Variants in RBM33 observed in about 807,000 individuals in gnomAD.
RBM33 encodes RNA binding motif protein 33, also known as RNA-binding protein 33.
A neutral mutation model predicts 132.6 loss-of-function variants in RBM33; 28 were observed. The observed-to-expected ratio is 0.21, with a 90% confidence interval of 0.16 to 0.29. The LOEUF is 0.29. Among genes scored for constraint, RBM33 ranks in the 10% least tolerant of loss-of-function variants. RBM33 has a pLI of 1.00. For missense variants in RBM33, 1,291 were observed against 1,518.5 expected, an observed-to-expected ratio of 0.85 and a Z score of 2.49; for synonymous variants, 634 against 593.0, an observed-to-expected ratio of 1.07 and a Z score of -1.01.
chr7:155,677,459 C>T (rs1477569016), intron 3 of RBM33, among the ~76,000 whole-genome samples: 2 of 152,196 alleles, frequency 1.3e-5, no homozygotes. Flanking sequence ...ATCCATCTGC[C>T]TTGGCCTCCC....
In RBM33 at chr7:155,706,352, C is replaced by T. The variant is rs1011413285; in HGVS notation, c.740-508C>T. Among the ~76,000 whole-genome samples, 7 of 152,050 alleles carry T rather than the reference C, an allele frequency of 4.6e-5. No individual in the cohort carries two copies. The South Asian group carries it at 8.3e-4, about 18-fold the overall frequency. ...ATTAAAATGCAAAAAAATCAGCCGG[C>T]GTGGCGGTGTGCACCTGTGTAGTCC... On this transcript the variant is annotated intron_variant, in intron 6 of 17. Coordinates refer to ENST00000401878, the MANE Select transcript of RBM33 (RefSeq NM_053043.3).
At chr7:155,673,940 G>GTTGTTGTTTTTTTTTTTTTTTTT in intron 3 of RBM33, among the ~76,000 whole-genome samples, 11 of 54,196 alleles carry the variant, frequency 2.0e-4, no homozygotes, top group African/African-American at 5.8e-4. Flanking sequence ...TTTAGGCTTA[G>GTTGTTGTTTTTTTTTTTTTTTTT]TTTTTTTTTT....
intron 12 of RBM33, 109 bp from the exon 13 acceptor site, chr7:155,741,710 A>AT (rs1365271696): frequency 9.4e-7 from 1 of 1,061,590 alleles, no homozygotes; most frequent in African/African-American, 1.6e-5. Context: ...AAAAGAAGTC[A>AT]TTTACTAATT....
At chr7:155,681,055 T>A in intron 5 of RBM33, 147 bp downstream of exon 5, 1 of 659,944 alleles carries the variant, frequency 1.5e-6, no homozygotes, top group South Asian at 2.1e-5. Context: ...TTATCTGAGC[T>A]ATGACAAAGT....
At chr7:155,771,754 C>CA (rs961105228) in intron 16 of RBM33, among the ~76,000 whole-genome samples, 27 of 152,112 alleles carry the variant, frequency 1.8e-4, no homozygotes, top group African/African-American at 5.5e-4. Flanking sequence ...TTTTGGGAGA[C>CA]AGAGTCTCGC....
At chr7:155,747,358 T>A (rs1000537203) in intron 14 of RBM33, among the ~76,000 whole-genome samples, 8 of 152,216 alleles carry the variant, frequency 5.3e-5, no homozygotes, top group African/African-American at 1.9e-4. Flanking sequence ...AGACTTTTTT[T>A]AAGATGAGAT....
chr7:155,682,539 C>T (rs1265407759), intron 5 of RBM33, among the ~76,000 whole-genome samples: 2 of 152,150 alleles, frequency 1.3e-5, no homozygotes, highest in Non-Finnish European at 2.9e-5. Flanking sequence ...TTCTGTTACT[C>T]ATCAGTAAAG....
chr7:155,720,647 A>G (rs1465338482), intron 9 of RBM33, among the ~76,000 whole-genome samples: 4 of 152,238 alleles, frequency 2.6e-5, no homozygotes, highest in Admixed American at 6.5e-5. Flanking sequence ...AAGCATCATT[A>G]AATGAAACCT....
rs1213477635 is a variant in RBM33 at position 155,741,913 on chromosome 7, C to G, written c.2144C>G (p.Pro715Arg). Residue 715 changes from proline (P) to arginine (R), a missense_variant, in exon 13 of 18, where the codon CCG becomes CGG. By Grantham distance (103) the Pro-to-Arg change is moderately radical. Coordinates refer to ENST00000401878, the MANE Select transcript of RBM33 (RefSeq NM_053043.3). ...NSNLRELPIA[P>R]SHVIEMSSSR... Reference sequence around the variant, plus strand: ...AATTTGCGTGAATTACCCATAGCGCCGTCACACGTGATAGAAATGAGCAGC... The same window carrying G: ...AATTTGCGTGAATTACCCATAGCGCGGTCACACGTGATAGAAATGAGCAGC... 2 of 1,613,874 alleles carry G rather than the reference C, an allele frequency of 1.2e-6. No individual in the cohort carries two copies. Among genetic ancestry groups the G allele is most frequent in the Admixed American group, 3.3e-5 (2 of 60,004 alleles).
At chr7:155,748,100 G>A (rs1292482645) in intron 14 of RBM33, among the ~76,000 whole-genome samples, 1 of 152,226 alleles carries the variant, frequency 6.6e-6, no homozygotes, top group African/African-American at 2.4e-5. Context: ...TGGCTGACAG[G>A]AGCTTGGCAT....
chr7:155,762,302 C>G (rs554509040), intron 14 of RBM33, among the ~76,000 whole-genome samples: 2 of 152,240 alleles, frequency 1.3e-5, no homozygotes, highest in Non-Finnish European at 2.9e-5. Context: ...GCCTTTCCCT[C>G]TGAGGGTGCT....
intron 1 of RBM33, among the ~76,000 whole-genome samples, chr7:155,661,146 A>ATATATATATATTTT (rs1421586760): frequency 1.8e-4 from 15 of 81,176 alleles, no homozygotes; most frequent in South Asian, 5.1e-4. Context: ...ATATATATAT[A>ATATATATATATTTT]TTTTTTTTTT....
At chr7:155,659,355 T>C (rs1798577957) in intron 1 of RBM33, among the ~76,000 whole-genome samples, 1 of 152,038 alleles carries the variant, frequency 6.6e-6, no homozygotes. Flanking sequence ...ACCAAAAAGC[T>C]AAAGGAAATC....
At chr7:155,691,096 C>A (rs1157114879) in intron 5 of RBM33, among the ~76,000 whole-genome samples, 2 of 152,208 alleles carry the variant, frequency 1.3e-5, no homozygotes, top group African/African-American at 4.8e-5. Flanking sequence ...CAGTCACTTT[C>A]AGGTACACCA....
chr7:155,684,384 C>G (rs1410629656), intron 5 of RBM33, among the ~76,000 whole-genome samples: 2 of 152,168 alleles, frequency 1.3e-5, no homozygotes, highest in African/African-American at 4.8e-5. Context: ...CTGCTTTCTT[C>G]CATCTACCCA....
chr7:155,662,051 C>T (rs867249794), intron 1 of RBM33, among the ~76,000 whole-genome samples: 1 of 152,100 alleles, frequency 6.6e-6, no homozygotes, highest in East Asian at 1.9e-4. Context: ...CCTTTGTTGA[C>T]TGGCTGGGTT....
At chr7:155,645,346 T>A (rs1369044070) in intron 1 of RBM33, 1 of 166,820 alleles carries the variant, frequency 6.0e-6, no homozygotes, top group Non-Finnish European at 1.3e-5. Flanking sequence ...AGATTTAGAT[T>A]GATTTGAAGC....
chr7:155,666,803 C>A (rs895931180), intron 2 of RBM33, among the ~76,000 whole-genome samples: 1 of 152,072 alleles, frequency 6.6e-6, no homozygotes, highest in African/African-American at 2.4e-5. Context: ...ATAAGTATCT[C>A]CTCCCAGTCT....
chr7:155,726,819 A>G lies in RBM33; in HGVS notation c.1260+8376A>G, dbSNP rs553821480. On this transcript the variant is annotated intron_variant, in intron 9 of 17. Transcript: ENST00000401878. ...ATTTGTCTTGCAGAAGCAATGCACT[A>G]TGATGGATAAAGCACTTAATAAACC... Among the ~76,000 whole-genome samples the G allele has an allele frequency of 7.4e-4, 113 of 152,360 alleles. 1 individual carries two copies. Among genetic ancestry groups the G allele is most frequent in the Admixed American group, 6.5e-3 (99 of 15,308 alleles).
Sources: allele counts gnomAD v4.1 joint callset (sites outside exome capture counted in the v4.1 genomes callset), GRCh38; gene constraint gnomAD v4.1.1; transcripts MANE v1.5; gene names NCBI Gene and HGNC (gene_info 2026-07-23, HGNC 2026-07-21).